Variants in ECD observed in about 807,000 individuals in gnomAD.
The protein encoded by ECD is ecdysoneless cell cycle regulator, also known as protein ecdysoneless homolog.
Under a neutral mutation model 77.2 loss-of-function variants are expected in ECD, and 59 were observed. The observed-to-expected ratio is 0.76, with a 90% CI of 0.62 to 0.95. The LOEUF is 0.95. Ranked by LOEUF, ECD falls within the 40% of genes least tolerant of loss-of-function variation. The pLI, the probability that ECD is intolerant of heterozygous loss-of-function variation, is 0.00. For synonymous variants in ECD, 233 were observed against 267.4 expected, an observed-to-expected ratio of 0.87 and a Z score of 1.26; for missense variants, 704 against 763.4, an observed-to-expected ratio of 0.92 and a Z score of 0.92.
At chr10:73,150,485 C>A (rs1843187835) in intron 7 of ECD, among the ~76,000 whole-genome samples, 1 of 152,184 alleles carries the variant, frequency 6.6e-6, no homozygotes, top group Non-Finnish European at 1.5e-5. Context: ...ATGTCTAAAA[C>A]ACCAAAAGCA....
At position 73,152,434 on chromosome 10, in the gene ECD, A is replaced by G; in HGVS notation, c.784-13T>C. 2.5e-6 allele frequency: 4 copies of G among 1,608,642 alleles called. No individual in the cohort carries two copies. The highest frequency in any genetic ancestry group is 3.4e-6 in the Non-Finnish European group (4 of 1,175,758). Reference sequence around the variant, plus strand: ...TAGTGAATGTGACCTGGGCATCAAGACACAAAATACATGAGTCTTTTCCTG... The same window carrying G: ...TAGTGAATGTGACCTGGGCATCAAGGCACAAAATACATGAGTCTTTTCCTG... On this transcript the variant is annotated splice_polypyrimidine_tract_variant and intron_variant, in intron 6 of 13. Transcript: ENST00000372979.
At chr10:73,163,056 T>C (rs1035036233) in intron 2 of ECD, among the ~76,000 whole-genome samples, 6 of 152,186 alleles carry the variant, frequency 3.9e-5, no homozygotes, top group Admixed American at 2.0e-4. Context: ...AGGAGTGTCT[T>C]GTCTGTAAGT....
intron 2 of ECD, among the ~76,000 whole-genome samples, chr10:73,163,416 C>T (rs1157874856): frequency 6.6e-6 from 1 of 152,046 alleles, no homozygotes; most frequent in South Asian, 2.1e-4. Flanking sequence ...AAGCCAGATG[C>T]CTGAAACTAT....
At position 73,136,882 on chromosome 10, in the gene ECD, T is replaced by C; in HGVS notation, c.1526A>G (p.Asp509Gly). Reference sequence around the variant, plus strand: ...ATCTAAACATTCAAAGTCTTCATCATCCAGATCATCAGAATCTGACTCATT... The same window carrying C: ...ATCTAAACATTCAAAGTCTTCATCACCCAGATCATCAGAATCTGACTCATT... Reference protein sequence around the residue: ...RPNESDSDDLDDEDFECLDSD... With the variant: ...RPNESDSDDLGDEDFECLDSD... The change falls in exon 13 of 14, where the codon GAT becomes GGT. Residue 509 changes from aspartate (D) to glycine (G), a missense_variant. Coordinates refer to ENST00000372979, the MANE Select transcript of ECD (RefSeq NM_007265.3). 2.5e-6 allele frequency: 4 copies of C among 1,613,936 alleles called. No individual in the cohort carries two copies. The highest frequency in any genetic ancestry group is 3.4e-6 in the Non-Finnish European group (4 of 1,179,974).
chr10:73,138,890 T>C (rs1342197426), intron 11 of ECD, among the ~76,000 whole-genome samples: 2 of 152,166 alleles, frequency 1.3e-5, no homozygotes, highest in African/African-American at 4.8e-5. Flanking sequence ...TATCTACCTG[T>C]TTTTCCTGTT....
intron 5 of ECD, among the ~76,000 whole-genome samples, chr10:73,155,183 C>T (rs1322761776): frequency 1.3e-5 from 2 of 151,916 alleles, no homozygotes; most frequent in Non-Finnish European, 2.9e-5. Context: ...TTCCTGCGCT[C>T]AGTCTCCCAA....
At chr10:73,135,833 C>A (rs893130796) in intron 13 of ECD, among the ~76,000 whole-genome samples, 1 of 152,030 alleles carries the variant, frequency 6.6e-6, no homozygotes, top group African/African-American at 2.4e-5. Context: ...GTAACATGAT[C>A]TTTTGGTTTA....
chr10:73,160,791 G>A (rs1465509812), intron 2 of ECD, among the ~76,000 whole-genome samples: 2 of 152,174 alleles, frequency 1.3e-5, no homozygotes, highest in Non-Finnish European at 2.9e-5. Flanking sequence ...ACGGCTATGT[G>A]AGTATAAAGG....
At chr10:73,153,583 T>A (rs146131030) in intron 6 of ECD, among the ~76,000 whole-genome samples, 2 of 151,362 alleles carry the variant, frequency 1.3e-5, no homozygotes, top group East Asian at 2.0e-4. Flanking sequence ...AATAAAAAAA[T>A]CAGCTGGGCG....
rs955992338 is a variant in ECD, at chr10:73,136,729, T to C, written c.1679A>G (p.Lys560Arg). The change falls in exon 13 of 14, where the codon AAA (lysine) becomes AGA (arginine). Residue 560 changes from lysine (K) to arginine (R), a missense_variant. By Grantham distance (26) the Lys-to-Arg change is conservative. Around this residue, in one of 3 missense-constraint regions of ECD, gnomAD observed 142 missense variants for 163.6 expected, o/e 0.87. Transcript: ENST00000372979. ...DQELAHTCISKSFTTRNQVEP... is the reference protein window; with the variant it reads ...DQELAHTCISRSFTTRNQVEP... Reference sequence around the variant, plus strand: ...CACTTGGTTCCTAGTGGTGAAACTTTTGCTGATGCAGGTGTGTGCTAGTTC... The same window carrying C: ...CACTTGGTTCCTAGTGGTGAAACTTCTGCTGATGCAGGTGTGTGCTAGTTC... 8.1e-6 allele frequency: 13 copies of C among 1,613,906 alleles called. No individual in the cohort carries two copies. The highest frequency in any genetic ancestry group is 9.3e-6 in the Non-Finnish European group (11 of 1,179,950).
At chr10:73,141,767 T>C (rs1452497061) in intron 9 of ECD, among the ~76,000 whole-genome samples, 2 of 152,182 alleles carry the variant, frequency 1.3e-5, no homozygotes, top group Admixed American at 6.6e-5. Context: ...TAATACAGAG[T>C]AGAGACAGTT....
chr10:73,144,444 T>C (rs1589683152), intron 9 of ECD, among the ~76,000 whole-genome samples: 3 of 152,082 alleles, frequency 2.0e-5, no homozygotes, highest in African/African-American at 4.8e-5. Flanking sequence ...GAGCTATGAC[T>C]GTACCACTGC....
chr10:73,153,057 C>T (rs1843235395), intron 6 of ECD, among the ~76,000 whole-genome samples: 2 of 151,172 alleles, frequency 1.3e-5, no homozygotes, highest in Non-Finnish European at 2.9e-5. Flanking sequence ...TGCTCTGTTG[C>T]AGAGACTGGA....
At chr10:73,161,925 G>T (rs972494915) in intron 2 of ECD, among the ~76,000 whole-genome samples, 1 of 152,280 alleles carries the variant, frequency 6.6e-6, no homozygotes, top group Non-Finnish European at 1.5e-5. Flanking sequence ...CAGAATGAAG[G>T]TCAAACAAGT....
chr10:73,136,503 G>A lies in ECD; in HGVS notation c.1704+201C>T, dbSNP rs181636102. On this transcript the variant is annotated intron_variant, in intron 13 of 13. Coordinates refer to ENST00000372979, the MANE Select transcript of ECD (RefSeq NM_007265.3). ...TTTATTTTAAATCCTGATAGATAAC[G>A]TAGAATAAGTAATATAATGAAGCTT... is the stretch of plus-strand genomic sequence containing the variant. Among the ~76,000 whole-genome samples the A allele has an allele frequency of 4.6e-5, 7 of 152,112 alleles. No homozygotes were observed. In the East Asian group the frequency reaches 7.7e-4, roughly 17 times the overall value.
intron 7 of ECD, among the ~76,000 whole-genome samples, 163 bp from the exon 8 acceptor site, chr10:73,148,567 A>T (rs1843158412): frequency 6.6e-6 from 1 of 152,224 alleles, no homozygotes; most frequent in Non-Finnish European, 1.5e-5. Flanking sequence ...AAAAATATAA[A>T]CTTATTCCCA....
At chr10:73,142,536 A>G (rs1254750120) in intron 9 of ECD, among the ~76,000 whole-genome samples, 3 of 148,046 alleles carry the variant, frequency 2.0e-5, no homozygotes, top group Non-Finnish European at 4.5e-5. Context: ...CAGGAGGCTG[A>G]GGCAGGGGCA....
chr10:73,163,800 A>G lies in ECD; in HGVS notation c.138T>C (p.Phe46=). Residue 46 remains phenylalanine, a synonymous_variant, in exon 2 of 14, where the codon TTT becomes TTC. Coordinates refer to ENST00000372979, the MANE Select transcript of ECD (RefSeq NM_007265.3). Reference sequence around the variant, plus strand: ...AGATGTAGGGGACCAGCATAGGTGCAAACCGAGTGATTATTCTCTCAATGT... The same window carrying G: ...AGATGTAGGGGACCAGCATAGGTGCGAACCGAGTGATTATTCTCTCAATGT... ...QKYIERIITR[F]APMLVPYIWQ... The G allele has an allele frequency of 6.2e-7, 1 of 1,614,198 alleles. No homozygotes were observed. The highest frequency in any genetic ancestry group is 8.5e-7 in the Non-Finnish European group (1 of 1,180,032).
Position 73,163,911 on chromosome 10 carries a change from C to A in ECD, c.27G>T (p.Thr9=). Residue 9 remains threonine (T), a synonymous_variant, in exon 2 of 14, where the codon ACG becomes ACT. Coordinates refer to ENST00000372979, the MANE Select transcript of ECD (RefSeq NM_007265.3). MEETMKLA[T]MEDTVEYCLF... is the part of the protein sequence containing the mutation. The stretch of plus-strand genomic sequence containing the variant: ...GGCAGTACTCCACTGTGTCTTCCAT[C>A]GTAGCAAGCTTCATGGTTTCTTCCA... 1 of 1,614,122 alleles carries A rather than the reference C, an allele frequency of 6.2e-7. No homozygotes were observed. Among genetic ancestry groups the A allele is most frequent in the South Asian group, 1.1e-5 (1 of 91,064 alleles).
Sources: allele counts gnomAD v4.1 joint callset (sites outside exome capture counted in the v4.1 genomes callset), GRCh38; gene constraint gnomAD v4.1.1; regional missense constraint gnomAD v4.1.1; transcripts MANE v1.5; gene names NCBI Gene and HGNC (gene_info 2026-07-23, HGNC 2026-07-21).